Variants in LRRIQ1 observed in about 807,000 individuals in gnomAD.
The protein encoded by LRRIQ1 is leucine-rich repeat- and IQ domain-containing protein 1.
In LRRIQ1, 210 loss-of-function variants were observed where a neutral mutation model predicts 211.9. That is an observed-to-expected ratio of 0.99 (90% CI 0.89 to 1.11). LRRIQ1 has a LOEUF of 1.11. Ranked by LOEUF, LRRIQ1 falls within the 50% of genes most tolerant of loss-of-function variation. The pLI is 0.00. For synonymous variants in LRRIQ1, 699 were observed against 650.1 expected, an observed-to-expected ratio of 1.08 and a Z score of -1.14; for missense variants, 2,136 against 1,939.5, an observed-to-expected ratio of 1.10 and a Z score of -1.90.
At chr12:85,188,092 T>C (rs1892317617) in intron 24 of LRRIQ1, among the ~76,000 whole-genome samples, 1 of 151,898 alleles carries the variant, frequency 6.6e-6, no homozygotes, top group Non-Finnish European at 1.5e-5. Flanking sequence ...TCTATTGGCT[T>C]ACTGCTAGGT....
chr12:85,259,905 G>A (rs927493914), intron 1 of LRRIQ1, among the ~76,000 whole-genome samples: 1 of 151,862 alleles, frequency 6.6e-6, no homozygotes, highest in African/African-American at 2.4e-5. Context: ...TAATAATATT[G>A]GGGGGAAATG....
At chr12:85,229,814 C>T in intron 25 of LRRIQ1, among the ~76,000 whole-genome samples, 165 bp downstream of exon 25, 1 of 152,108 alleles carries the variant, frequency 6.6e-6, no homozygotes, top group Admixed American at 6.6e-5. Context: ...TTTAATTACT[C>T]CTTCTATTTT....
intron 8 of LRRIQ1, among the ~76,000 whole-genome samples, chr12:85,058,023 A>G (rs1022887852): frequency 3.3e-5 from 5 of 151,964 alleles, no homozygotes; most frequent in African/African-American, 9.7e-5. Context: ...ATATTCATCT[A>G]TCCAATAAGA....
intron 24 of LRRIQ1, among the ~76,000 whole-genome samples, chr12:85,202,038 T>C (rs1284921768): frequency 3.3e-5 from 5 of 152,200 alleles, no homozygotes; most frequent in African/African-American, 1.2e-4. Flanking sequence ...TTAATTTTAT[T>C]ACTTACCCAA....
intron 16 of LRRIQ1, among the ~76,000 whole-genome samples, chr12:85,123,042 A>G (rs1254903132): frequency 6.6e-6 from 1 of 152,050 alleles, no homozygotes; most frequent in Non-Finnish European, 1.5e-5. Context: ...TGTTGAATGC[A>G]TAAGTGGTGG....
chr12:85,128,098 C>A, intron 18 of LRRIQ1, 65 bp downstream of exon 18: 1 of 1,212,996 alleles, frequency 8.2e-7, no homozygotes, highest in Non-Finnish European at 1.2e-6. Context: ...ATGATTTATT[C>A]TGTATTAAAA....
intron 26 of LRRIQ1, among the ~76,000 whole-genome samples, chr12:85,238,214 G>C (rs1022145854): frequency 6.6e-6 from 1 of 151,818 alleles, no homozygotes; most frequent in Non-Finnish European, 1.5e-5. Context: ...TCTCCAAAGT[G>C]GGGCAGAGAG....
intron 11 of LRRIQ1, among the ~76,000 whole-genome samples, chr12:85,075,744 G>A (rs1425710639): frequency 6.6e-6 from 1 of 151,874 alleles, no homozygotes; most frequent in African/African-American, 2.4e-5. Context: ...GCATGCTCCT[G>A]CATTCCCAGC....
intron 24 of LRRIQ1, among the ~76,000 whole-genome samples, chr12:85,201,137 T>A (rs774936177): frequency 2.0e-5 from 3 of 152,080 alleles, no homozygotes; most frequent in Non-Finnish European, 2.9e-5. Flanking sequence ...GGCCGATGGT[T>A]TAGCTTTTTG....
At chr12:85,104,978 T>C (rs1486973406) in intron 14 of LRRIQ1, among the ~76,000 whole-genome samples, 1 of 152,150 alleles carries the variant, frequency 6.6e-6, no homozygotes, top group Admixed American at 6.5e-5. Flanking sequence ...GGTTTTAGTT[T>C]GCATTGACCT....
intron 11 of LRRIQ1, among the ~76,000 whole-genome samples, chr12:85,091,132 T>C (rs1194656328): frequency 6.6e-6 from 1 of 152,120 alleles, no homozygotes; most frequent in Non-Finnish European, 1.5e-5. Flanking sequence ...CCTTTTACGA[T>C]GATTGTAAGC....
At chr12:85,064,876 A>T (rs540011577) in intron 8 of LRRIQ1, among the ~76,000 whole-genome samples, 3 of 151,882 alleles carry the variant, frequency 2.0e-5, no homozygotes, top group South Asian at 2.1e-4. Context: ...GTGCTGTTTC[A>T]TTGGTCTGTG....
At chr12:85,238,775 GT>G (rs1400936025) in intron 26 of LRRIQ1, among the ~76,000 whole-genome samples, 1 of 152,004 alleles carries the variant, frequency 6.6e-6, no homozygotes, top group Admixed American at 6.6e-5. Context: ...AAGGCCCAAT[GT>G]TTTGTATCTA....
chr12:85,056,671 A>C lies in LRRIQ1; in HGVS notation c.1878A>C (p.Glu626Asp). 1 of 1,603,716 alleles carries C rather than the reference A, an allele frequency of 6.2e-7. No individual in the cohort carries two copies. The highest frequency in any genetic ancestry group is 8.5e-7 in the Non-Finnish European group (1 of 1,175,882). The change falls in exon 8 of 27, where the codon GAA becomes GAC. Residue 626 changes from glutamate to aspartate, a missense_variant. Transcript: ENST00000393217. ...CAGAAAATTCCAAAGATGTAAGAGA[A>C]AACGTAATATTACAAGAAAAAGAAA... Reference protein sequence around the residue: ...LTSENSKDVRENVILQEKEIY... With the variant: ...LTSENSKDVRDNVILQEKEIY...
chr12:85,070,755 T>G (rs529132955), intron 10 of LRRIQ1, among the ~76,000 whole-genome samples: 1 of 151,988 alleles, frequency 6.6e-6, no homozygotes, highest in East Asian at 1.9e-4. Context: ...TTTAGACTTA[T>G]AGCTGTATTC....
At chr12:85,249,515 A>G (rs565363434), downstream of LRRIQ1, among the ~76,000 whole-genome samples, 1 of 151,958 alleles carries the variant, frequency 6.6e-6, no homozygotes, top group Admixed American at 6.6e-5. Context: ...AGGTATTTTT[A>G]TATAAACCAC....
chr12:85,065,534 C>T (rs1882342642), intron 9 of LRRIQ1, 120 bp downstream of exon 9: 1 of 739,462 alleles, frequency 1.4e-6, no homozygotes, highest in Non-Finnish European at 1.9e-6. Context: ...AACTCAGAGC[C>T]TGAAGAGATC....
intron 24 of LRRIQ1, among the ~76,000 whole-genome samples, chr12:85,220,109 C>T (rs1021953909): frequency 8.6e-5 from 13 of 151,978 alleles, no homozygotes; most frequent in African/African-American, 2.9e-4. Flanking sequence ...ATAGAATCAG[C>T]CATTTATCAA....
chr12:85,039,118 C>T (rs1366067369), intron 2 of LRRIQ1, among the ~76,000 whole-genome samples: 1 of 151,128 alleles, frequency 6.6e-6, no homozygotes, highest in African/African-American at 2.4e-5. Context: ...ATCCAGAGCT[C>T]ATTTAAATGA....
Sources: allele counts gnomAD v4.1 joint callset (sites outside exome capture counted in the v4.1 genomes callset), GRCh38; gene constraint gnomAD v4.1.1; transcripts MANE v1.5; gene names NCBI Gene and HGNC (gene_info 2026-07-23, HGNC 2026-07-21).